LCOR: variants seen among roughly 807,000 people sequenced by gnomAD.
The protein encoded by LCOR is ligand-dependent corepressor.
A neutral mutation model predicts 64.4 loss-of-function variants in LCOR; 14 were observed. The observed-to-expected ratio is 0.22, with a 90% CI of 0.14 to 0.34. The LOEUF is 0.34. Among genes scored for constraint, LCOR ranks in the 10% least tolerant of loss-of-function variants. LCOR has a pLI of 1.00. For missense variants in LCOR, 1,686 were observed against 1,765.3 expected (o/e 0.96, Z 0.80); for synonymous variants, 643 against 642.5 (o/e 1.00, Z -0.01).
chr10:96,891,075 C>T (rs1846430653), intron 2 of LCOR, among the ~76,000 whole-genome samples: 1 of 151,700 alleles, frequency 6.6e-6, no homozygotes, highest in Non-Finnish European at 1.5e-5. Flanking sequence ...CATCCCTTTT[C>T]TCTTTTTTTG....
At chr10:96,846,733 A>G (rs184271797) in intron 2 of LCOR, among the ~76,000 whole-genome samples, 37 of 152,324 alleles carry the variant, frequency 2.4e-4, no homozygotes, top group African/African-American at 8.9e-4. Context: ...AAATAAATAG[A>G]CATATACTGA....
Position 96,981,699 on chromosome 10 carries a change from G to A in LCOR, c.1239G>A (p.Lys413=), listed in dbSNP as rs370686787. 2.7e-5 allele frequency: 43 copies of A among 1,614,108 alleles called. No individual in the cohort carries two copies. Among genetic ancestry groups the A allele is most frequent in the Non-Finnish European group, 3.6e-5 (42 of 1,180,054 alleles). Residue 413 remains lysine, a synonymous_variant, in exon 8 of 8, where the codon AAG becomes AAA. Coordinates refer to ENST00000421806, the MANE Select transcript of LCOR (RefSeq NM_001346516.2). ...GTTACCATTTACATCCCAGTGATAAGGGCCAGTTTGATCATTCCAAAGATG... is the reference window on the plus strand; with the variant it reads ...GTTACCATTTACATCCCAGTGATAAAGGCCAGTTTGATCATTCCAAAGATG... ...KVGYHLHPSD[K]GQFDHSKDGW...
intron 4 of LCOR, among the ~76,000 whole-genome samples, chr10:96,941,931 G>A (rs546389346): frequency 3.5e-4 from 36 of 103,718 alleles, no homozygotes; most frequent in East Asian, 2.8e-4. Flanking sequence ...GATGGCGGCC[G>A]GGCAGAGACG....
chr10:96,979,428 C>A (rs931745023), intron 7 of LCOR, among the ~76,000 whole-genome samples: 4 of 152,230 alleles, frequency 2.6e-5, no homozygotes, highest in African/African-American at 9.6e-5. Flanking sequence ...GCTGTCTAAG[C>A]AGGTATTGCC....
chr10:96,903,113 C>G (rs1195445077), intron 2 of LCOR, among the ~76,000 whole-genome samples: 1 of 151,984 alleles, frequency 6.6e-6, no homozygotes. Context: ...AATTGTCACA[C>G]GTGGATAGGG....
intron 7 of LCOR, among the ~76,000 whole-genome samples, chr10:96,978,081 C>T (rs902036928): frequency 6.6e-6 from 1 of 152,194 alleles, no homozygotes; most frequent in Non-Finnish European, 1.5e-5. Flanking sequence ...ACATATTGTG[C>T]TGTTGCTTTC....
intron 1 of LCOR, chr10:96,833,148 C>T: frequency 1.0e-6 from 1 of 985,514 alleles, no homozygotes; most frequent in Non-Finnish European, 1.2e-6. Flanking sequence ...CGGTGTCGTG[C>T]TGCGGGAGGA....
chr10:96,835,966 T>G (rs1026128788), intron 2 of LCOR, among the ~76,000 whole-genome samples: 9 of 152,176 alleles, frequency 5.9e-5, no homozygotes, highest in African/African-American at 1.4e-4. Flanking sequence ...AGATCTAGGC[T>G]CTCTCTGCGC....
intron 7 of LCOR, among the ~76,000 whole-genome samples, chr10:96,978,226 A>C (rs1230627279): frequency 1.3e-5 from 2 of 152,192 alleles, no homozygotes; most frequent in African/African-American, 4.8e-5. Flanking sequence ...TGTACATCTC[A>C]TTGAGTCGGA....
At chr10:96,959,931 G>A (rs1313936360) in intron 7 of LCOR, 1 of 152,076 alleles carries the variant, frequency 6.6e-6, no homozygotes, top group African/African-American at 2.4e-5. Context: ...TTACAATATC[G>A]AAGTGCTTTT....
At chr10:96,894,338 A>G (rs367758961) in intron 2 of LCOR, among the ~76,000 whole-genome samples, 2 of 152,138 alleles carry the variant, frequency 1.3e-5, no homozygotes, top group East Asian at 3.9e-4. Context: ...TGGCCTCCCA[A>G]AGTGCTGGGA....
chr10:96,861,527 G>GTCTCT (rs1845887575), intron 2 of LCOR, among the ~76,000 whole-genome samples: 3 of 152,012 alleles, frequency 2.0e-5, no homozygotes, highest in Non-Finnish European at 1.5e-5. Context: ...CACTAGGTGA[G>GTCTCT]TCTCTTCTCT....
At chr10:96,843,033 CTT>C (rs1488878376) in intron 2 of LCOR, among the ~76,000 whole-genome samples, 7 of 152,318 alleles carry the variant, frequency 4.6e-5, no homozygotes, top group Admixed American at 2.6e-4. Context: ...TTGATGATCT[CTT>C]GTTTTTCACG....
chr10:96,942,917 C>T (rs1847520434), intron 4 of LCOR, among the ~76,000 whole-genome samples: 1 of 152,062 alleles, frequency 6.6e-6, no homozygotes, highest in African/African-American at 2.4e-5. Flanking sequence ...CTTAAATATG[C>T]ATTTAGCTTC....
At position 96,989,850 on chromosome 10, in the gene LCOR, C is replaced by G. The variant is rs1459547777; in HGVS notation, c.*4716C>G. 6.6e-6 allele frequency: 1 copy of G among 150,916 alleles called. No homozygotes were observed. The highest frequency in any genetic ancestry group is 2.4e-5 in the African/African-American group (1 of 41,008). The allele number at this position is 150,916 out of a possible 1,614,324, so 9.3% of individuals were successfully genotyped here. A position where few individuals can be genotyped will look rare whatever the true frequency, so the allele number is the denominator to read the frequency against. ...ACCGCACCAACCCAAGTATGAGTTT[C>G]TATGCTGGTTTTTTTTTAATGTGAT... On this transcript the variant is annotated 3_prime_UTR_variant, in exon 8 of 8. Transcript: ENST00000421806.
At chr10:96,911,205 C>T (rs769221349) in intron 4 of LCOR, among the ~76,000 whole-genome samples, 13 of 146,084 alleles carry the variant, frequency 8.9e-5, no homozygotes, top group Non-Finnish European at 8.9e-5. Context: ...TCAAGCGATT[C>T]TCATGCCTTA....
chr10:96,909,415 T>C (rs1461449340), intron 4 of LCOR, among the ~76,000 whole-genome samples: 1 of 152,268 alleles, frequency 6.6e-6, no homozygotes, highest in Non-Finnish European at 1.5e-5. Flanking sequence ...TCTGCTTCTA[T>C]TGCTGTTTCA....
At chr10:96,963,942 C>G (rs1847919861) in intron 7 of LCOR, 1 of 152,170 alleles carries the variant, frequency 6.6e-6, no homozygotes, top group Non-Finnish European at 1.5e-5. Flanking sequence ...CCCCTTTACT[C>G]TTATGGACCT....
intron 5 of LCOR, among the ~76,000 whole-genome samples, chr10:96,946,641 T>C (rs1304908590): frequency 3.3e-5 from 5 of 152,086 alleles, no homozygotes; most frequent in Non-Finnish European, 5.9e-5. Flanking sequence ...ATTTTAAGTA[T>C]GTCAAAGAAT....
Sources: gnomAD v4.1 joint callset for allele counts (sites outside exome capture counted in the v4.1 genomes callset) on GRCh38, gnomAD v4.1.1 for gene constraint, MANE v1.5 for transcripts, NCBI Gene and HGNC (gene_info 2026-07-23, HGNC 2026-07-21) for gene names.